TEAD1: variants seen among roughly 807,000 people sequenced by gnomAD.
TEAD1 encodes the protein TEA domain transcription factor 1.
TEAD1 carries 9 observed loss-of-function variants against 54.9 expected under a neutral mutation model. That is an observed-to-expected ratio of 0.16 (90% CI 0.10 to 0.29). The LOEUF is 0.29. Ranked by LOEUF, TEAD1 falls within the 10% of genes least tolerant of loss-of-function variation. TEAD1 has a pLI of 1.00. For synonymous variants in TEAD1, 200 were observed against 187.8 expected (o/e 1.07, Z -0.53); for missense variants, 387 against 535.9 (o/e 0.72, Z 2.74).
chr11:12,859,016 A>G (rs1947446897), intron 3 of TEAD1, among the ~76,000 whole-genome samples: 2 of 152,230 alleles, frequency 1.3e-5, no homozygotes, highest in South Asian at 2.1e-4. Flanking sequence ...AAAAGACAGT[A>G]AAAACATGCC....
At chr11:12,750,626 G>A (rs1268654703) in intron 2 of TEAD1, among the ~76,000 whole-genome samples, 2 of 152,190 alleles carry the variant, frequency 1.3e-5, no homozygotes, top group Admixed American at 6.5e-5. Context: ...TGGTGTTTTC[G>A]TGCTTTTTGT....
intron 2 of TEAD1, among the ~76,000 whole-genome samples, chr11:12,682,143 A>T (rs551789424): frequency 6.6e-6 from 1 of 152,316 alleles, no homozygotes; most frequent in Non-Finnish European, 1.5e-5. Context: ...AATCAGGTTA[A>T]ATTTGGCCAC....
intron 10 of TEAD1, among the ~76,000 whole-genome samples, chr11:12,910,977 C>A (rs1589981910): frequency 1.3e-5 from 2 of 152,134 alleles, no homozygotes; most frequent in African/African-American, 4.8e-5. Context: ...GAACTCCTGA[C>A]CTCAGGTGAT....
intron 9 of TEAD1, among the ~76,000 whole-genome samples, chr11:12,897,007 T>G (rs1948325726): frequency 6.6e-6 from 1 of 152,218 alleles, no homozygotes; most frequent in African/African-American, 2.4e-5. Context: ...GGGACTCTTT[T>G]GGAGAAGTCA....
At chr11:12,793,041 G>A (rs1945837104) in intron 3 of TEAD1, among the ~76,000 whole-genome samples, 1 of 151,982 alleles carries the variant, frequency 6.6e-6, no homozygotes, top group Non-Finnish European at 1.5e-5. Flanking sequence ...AGCTTGGGCT[G>A]TTAGCGAGAC....
chr11:12,863,528 C>G (rs1349703054), intron 4 of TEAD1, among the ~76,000 whole-genome samples: 3 of 152,142 alleles, frequency 2.0e-5, no homozygotes, highest in Non-Finnish European at 4.4e-5. Context: ...ATAATTGAAG[C>G]TCAAAGACAA....
intron 3 of TEAD1, among the ~76,000 whole-genome samples, chr11:12,847,225 T>TAGCA (rs35229324): frequency 0.29 from 44,485 of 151,962 alleles, 6,766 homozygotes; most frequent in South Asian, 0.47. Context: ...TATCATTAAG[T>TAGCA]AGCACATTCT....
rs370063267 is a variant in TEAD1, at chr11:12,714,026, C to T, written c.-55+38465C>T. Among the ~76,000 whole-genome samples, 134 of 152,282 alleles carry T rather than the reference C, an allele frequency of 8.8e-4. 1 individual carries two copies. The East Asian group carries it at 0.02, about 22-fold the overall frequency. On this transcript the variant is annotated intron_variant, in intron 2 of 12. Coordinates refer to ENST00000527636, the MANE Select transcript of TEAD1 (RefSeq NM_021961.6). ...GGGCCTAGGGAGTGGAATTCCCACA[C>T]ACAGGTCAGGGATCCCAGTGGAAGA...
At chr11:12,820,224 T>C (rs12797960) in intron 3 of TEAD1, among the ~76,000 whole-genome samples, 82,362 of 151,884 alleles carry the variant, frequency 0.54, 22,996 homozygotes, top group Non-Finnish European at 0.6. Flanking sequence ...ACTCTTGCCA[T>C]ACAGTAATTT....
At chr11:12,826,481 A>C (rs1946659020) in intron 3 of TEAD1, among the ~76,000 whole-genome samples, 2 of 152,202 alleles carry the variant, frequency 1.3e-5, no homozygotes, top group African/African-American at 4.8e-5. Flanking sequence ...TGACTAAGTA[A>C]TTTTCCAGAA....
intron 2 of TEAD1, among the ~76,000 whole-genome samples, chr11:12,735,247 A>G (rs887727490): frequency 2.0e-5 from 3 of 152,206 alleles, no homozygotes; most frequent in Non-Finnish European, 4.4e-5. Flanking sequence ...CTCCTTAGCT[A>G]GCCAGTAGAT....
At chr11:12,919,454 C>T (rs553142826) in intron 10 of TEAD1, among the ~76,000 whole-genome samples, 22 of 152,212 alleles carry the variant, frequency 1.4e-4, no homozygotes, top group African/African-American at 4.8e-4. Context: ...CTTTGTTGGC[C>T]TGAGTCCTAA....
At chr11:12,742,610 A>G (rs1484104601) in intron 2 of TEAD1, among the ~76,000 whole-genome samples, 1 of 152,234 alleles carries the variant, frequency 6.6e-6, no homozygotes, top group East Asian at 1.9e-4. Context: ...ATACCTATTG[A>G]AGGTGATGGA....
chr11:12,678,117 A>G (rs189207742), intron 2 of TEAD1, among the ~76,000 whole-genome samples: 1 of 152,350 alleles, frequency 6.6e-6, no homozygotes, highest in East Asian at 1.9e-4. Flanking sequence ...TAGAGGTCGA[A>G]TCTGTTTAGT....
intron 5 of TEAD1, among the ~76,000 whole-genome samples, chr11:12,871,767 G>A (rs540572130): frequency 6.6e-5 from 10 of 152,156 alleles, no homozygotes; most frequent in Admixed American, 3.9e-4. Context: ...TTAGGTGAGT[G>A]TATGACTCGG....
intron 10 of TEAD1, among the ~76,000 whole-genome samples, chr11:12,918,374 A>G (rs1948751309): frequency 6.6e-6 from 1 of 151,342 alleles, no homozygotes; most frequent in South Asian, 2.1e-4. Flanking sequence ...TATATTTTAC[A>G]TCAATACTTC....
At chr11:12,759,073 C>T (rs1590121996) in intron 2 of TEAD1, among the ~76,000 whole-genome samples, 2 of 151,976 alleles carry the variant, frequency 1.3e-5, no homozygotes, top group East Asian at 3.9e-4. Flanking sequence ...TCGTTGTGTT[C>T]AATGGCATTT....
chr11:12,821,369 A>G (rs1946542254), intron 3 of TEAD1, among the ~76,000 whole-genome samples: 1 of 152,336 alleles, frequency 6.6e-6, no homozygotes, highest in Non-Finnish European at 1.5e-5. Context: ...CTGAGTCTTC[A>G]TCATTAATAA....
intron 2 of TEAD1, among the ~76,000 whole-genome samples, chr11:12,709,989 A>G (rs941901975): frequency 1.3e-5 from 2 of 149,222 alleles, no homozygotes; most frequent in Non-Finnish European, 1.5e-5. Flanking sequence ...AACAGTAATG[A>G]GAAAAGAAAT....
Sources: allele counts gnomAD v4.1 joint callset (sites outside exome capture counted in the v4.1 genomes callset), GRCh38; gene constraint gnomAD v4.1.1; transcripts MANE v1.5; gene names NCBI Gene and HGNC (gene_info 2026-07-23, HGNC 2026-07-21).